The following RNLS variants were observed in gnomAD, a reference collection of about 807,000 sequenced individuals.
RNLS encodes renalase, FAD dependent amine oxidase, also known as renalase.
RNLS carries 39 observed loss-of-function variants against 39.8 expected under a neutral mutation model. The ratio of observed to expected loss-of-function variants is 0.98; its 90% CI spans 0.76 to 1.28. The LOEUF (loss-of-function observed/expected upper bound fraction) is 1.28. Among genes scored for constraint, RNLS ranks in the 50% most tolerant of loss-of-function variants. RNLS has a pLI of 0.00. For missense variants in RNLS, 410 were observed against 413.3 expected (o/e 0.99, Z 0.07); for synonymous variants, 147 against 150.7 (o/e 0.98, Z 0.18).
At chr10:88,237,738 A>AATGAG in the RNLS span, among the ~76,000 whole-genome samples, 2 of 151,956 alleles carry the variant, frequency 1.3e-5, no homozygotes, top group Non-Finnish European at 2.9e-5. Flanking sequence ...CTATCAATGA[A>AATGAG]CAAATCTATC....
intron 5 of RNLS, among the ~76,000 whole-genome samples, chr10:88,316,696 T>A (rs1845789944): frequency 6.6e-6 from 1 of 152,182 alleles, no homozygotes; most frequent in Non-Finnish European, 1.5e-5. Context: ...CCATTTACAT[T>A]AACCATCCAC....
chr10:88,420,044 AAATAAATAAATAAATGAATG>A (rs772756926), intron 4 of RNLS, among the ~76,000 whole-genome samples: 6,201 of 119,318 alleles, frequency 0.052, 238 homozygotes, highest in Admixed American at 0.14. Flanking sequence ...ATAAATAAAT[AAATAAATAAATAAATGAATG>A]AATAAATAAA....
In RNLS at chr10:88,331,004, G is replaced by C. The variant is rs527281460; in HGVS notation, c.701-16363C>G. Among the ~76,000 whole-genome samples, 75 of 152,196 alleles carry C rather than the reference G, an allele frequency of 4.9e-4. 1 individual carries two copies. Among genetic ancestry groups the C allele is most frequent in the African/African-American group, 1.6e-3 (68 of 41,542 alleles). ...CTTAACAAAGCACTGGGGAACAAAT[G>C]CATTTTAATATTGGCTAGAAAATTG... On this transcript the variant is annotated intron_variant, in intron 5 of 6. Transcript: ENST00000331772.
At chr10:88,183,260 A>G in the RNLS span, among the ~76,000 whole-genome samples, 1 of 152,160 alleles carries the variant, frequency 6.6e-6, no homozygotes, top group African/African-American at 2.4e-5. Flanking sequence ...AATAAAGCAA[A>G]TAAGAGGCTG....
chr10:88,471,383 G>A (rs1276122878), intron 4 of RNLS, among the ~76,000 whole-genome samples: 2 of 152,154 alleles, frequency 1.3e-5, no homozygotes, highest in African/African-American at 4.8e-5. Flanking sequence ...CCCATTTTAA[G>A]TTTTGCTAAC....
intron 5 of RNLS, among the ~76,000 whole-genome samples, chr10:88,338,384 T>C (rs1847663463): frequency 6.6e-6 from 1 of 152,232 alleles, no homozygotes; most frequent in Non-Finnish European, 1.5e-5. Context: ...TAAGAAAGCT[T>C]TGGTCTAGTT....
At chr10:88,520,247 G>T (rs1846646217) in intron 4 of RNLS, among the ~76,000 whole-genome samples, 1 of 151,876 alleles carries the variant, frequency 6.6e-6, no homozygotes. Context: ...ATTTTAAGGG[G>T]GAATGTCCAG....
chr10:88,435,898 T>C (rs1456346771), intron 4 of RNLS, among the ~76,000 whole-genome samples: 2 of 152,166 alleles, frequency 1.3e-5, no homozygotes, highest in Non-Finnish European at 2.9e-5. Context: ...TGGTTACTAA[T>C]GTTATAACAA....
intron 4 of RNLS, among the ~76,000 whole-genome samples, chr10:88,405,559 C>G (rs1177529826): frequency 1.3e-5 from 2 of 152,054 alleles, no homozygotes; most frequent in African/African-American, 4.8e-5. Context: ...ATGTCTTTTT[C>G]CAACCCTTTA....
the RNLS span, among the ~76,000 whole-genome samples, chr10:88,234,308 T>C: frequency 2.6e-5 from 4 of 152,068 alleles, no homozygotes; most frequent in African/African-American, 9.7e-5. Context: ...GAGACTCTCA[T>C]GCTTGGACCC....
In RNLS at chr10:88,580,713, C is replaced by T. The variant is rs138857499; in HGVS notation, c.367+854G>A. ...ATAAGACATTCACAGAAGAAAACTGCAAAGAGCTGGCTAATAAAACAAAAA... is the reference window on the plus strand; with the variant it reads ...ATAAGACATTCACAGAAGAAAACTGTAAAGAGCTGGCTAATAAAACAAAAA... On this transcript the variant is annotated intron_variant, in intron 3 of 6. Coordinates refer to ENST00000331772, the MANE Select transcript of RNLS (RefSeq NM_001031709.3). 7.3e-3 allele frequency among the ~76,000 whole-genome samples: 1,115 copies of T among 152,148 alleles called. 28 individuals carry two copies. The South Asian group carries it at 0.083, about 11-fold the overall frequency.
At chr10:88,328,367 T>C (rs1444698842) in intron 5 of RNLS, among the ~76,000 whole-genome samples, 3 of 152,232 alleles carry the variant, frequency 2.0e-5, no homozygotes, top group Non-Finnish European at 4.4e-5. Flanking sequence ...TTGACAATTT[T>C]TGCTTTATAT....
At chr10:88,414,325 G>A (rs1323953812) in intron 4 of RNLS, among the ~76,000 whole-genome samples, 2 of 152,108 alleles carry the variant, frequency 1.3e-5, no homozygotes, top group African/African-American at 4.8e-5. Context: ...AGGAAACCAG[G>A]TTGGAAGGAT....
At chr10:88,293,592 T>C (rs1279727830) in intron 6 of RNLS, among the ~76,000 whole-genome samples, 1 of 152,208 alleles carries the variant, frequency 6.6e-6, no homozygotes, top group African/African-American at 2.4e-5. Flanking sequence ...GTTTAAATTC[T>C]TGTAGCTGTG....
intron 4 of RNLS, among the ~76,000 whole-genome samples, chr10:88,511,671 C>T (rs1846130111): frequency 1.3e-5 from 2 of 151,968 alleles, no homozygotes; most frequent in South Asian, 4.2e-4. Flanking sequence ...AAGAAGGATG[C>T]AAGAGGGAGT....
chr10:88,179,393 C>T, the RNLS span, among the ~76,000 whole-genome samples: 1 of 152,132 alleles, frequency 6.6e-6, no homozygotes, highest in African/African-American at 2.4e-5. Flanking sequence ...TTCTTGCACT[C>T]TTGGTAAATG....
intron 6 of RNLS, among the ~76,000 whole-genome samples, chr10:88,314,007 A>C (rs1845569259): frequency 6.6e-6 from 1 of 152,228 alleles, no homozygotes; most frequent in Admixed American, 6.5e-5. Context: ...CTCAGCTGGC[A>C]GCAGTCAAAA....
chr10:88,471,707 GA>G (rs1424904773), intron 4 of RNLS, among the ~76,000 whole-genome samples: 1 of 152,190 alleles, frequency 6.6e-6, no homozygotes, highest in Non-Finnish European at 1.5e-5. Context: ...AGGAAAGGGA[GA>G]AGGTACATGT....
At chr10:88,370,179 T>C (rs961511289) in intron 4 of RNLS, among the ~76,000 whole-genome samples, 1 of 152,142 alleles carries the variant, frequency 6.6e-6, no homozygotes, top group African/African-American at 2.4e-5. Context: ...CCCAGGAGTA[T>C]GGTAAGAATA....
Sources: gnomAD v4.1 joint callset for allele counts (sites outside exome capture counted in the v4.1 genomes callset) on GRCh38, gnomAD v4.1.1 for gene constraint, MANE v1.5 for transcripts, NCBI Gene and HGNC (gene_info 2026-07-23, HGNC 2026-07-21) for gene names.